The following NUP62CL variants were observed in gnomAD, a reference collection of about 807,000 sequenced individuals.
The protein encoded by NUP62CL is nucleoporin-62 C-terminal-like protein.
A neutral mutation model predicts 15.3 loss-of-function variants in NUP62CL; 13 were observed. That is an observed-to-expected ratio of 0.85 (90% CI 0.55 to 1.35). NUP62CL has a LOEUF of 1.35. Among genes scored for constraint, NUP62CL ranks in the 40% most tolerant of loss-of-function variants. The pLI, the probability that NUP62CL is intolerant of heterozygous loss-of-function variation, is 0.00. For missense variants in NUP62CL, 123 were observed against 130.6 expected (o/e 0.94, Z 0.28); for synonymous variants, 54 against 49.2 (o/e 1.10, Z -0.41).
intron 3 of NUP62CL, 67 bp from the exon 4 acceptor site, chrX:107,167,851 C>A: frequency 9.7e-7 from 1 of 1,028,509 alleles, no homozygotes; most frequent in South Asian, 2.7e-5. Context: ...CTTGATCATT[C>A]AGATTTAAAA....
chrX:107,175,041 G>T (rs200887740), intron 3 of NUP62CL, 48 bp downstream of exon 3: 1 of 961,978 alleles, frequency 1.0e-6, no homozygotes, highest in East Asian at 3.1e-5. Flanking sequence ...ACTGAGTAAG[G>T]TGGCATCATG....
At chrX:107,186,389 A>G (rs1411590795) in intron 2 of NUP62CL, among the ~76,000 whole-genome samples, 2 of 111,978 alleles carry the variant, frequency 1.8e-5, no homozygotes, top group South Asian at 3.7e-4. Flanking sequence ...ATCATCTTAC[A>G]TAATTATCCA....
chrX:107,129,583 A>G (rs1009197808), intron 8 of NUP62CL, among the ~76,000 whole-genome samples: 3 of 112,323 alleles, frequency 2.7e-5, no homozygotes, highest in African/African-American at 6.5e-5. Flanking sequence ...TTTCTTCTCC[A>G]GAGAATTTGA....
At chrX:107,165,338 A>T (rs1412272190) in intron 4 of NUP62CL, among the ~76,000 whole-genome samples, 1 of 109,943 alleles carries the variant, frequency 9.1e-6, no homozygotes, top group African/African-American at 3.3e-5. Context: ...ATTAATTAAT[A>T]AATAAATACC....
Position 107,147,750 on chromosome X carries a change from C to T in NUP62CL, c.*35G>A. Reference sequence around the variant, plus strand: ...ATACAAGCAAACTCCCACCTGAATTCCGATCAATCCACTGCAGGGAGTCCA... The same window carrying T: ...ATACAAGCAAACTCCCACCTGAATTTCGATCAATCCACTGCAGGGAGTCCA... On this transcript the variant is annotated 3_prime_UTR_variant, in exon 8 of 9. Coordinates refer to ENST00000372466, the MANE Select transcript of NUP62CL (RefSeq NM_017681.3). The T allele has an allele frequency of 8.5e-7, 1 of 1,169,987 alleles. No homozygotes were observed. The highest frequency in any genetic ancestry group is 3.0e-5 in the East Asian group (1 of 33,609).
chrX:107,189,737 T>C (rs1927160796), intron 2 of NUP62CL, among the ~76,000 whole-genome samples: 1 of 104,413 alleles, frequency 9.6e-6, no homozygotes, highest in African/African-American at 3.6e-5. Context: ...CAGTAAGCCA[T>C]GATCGTGCCA....
intron 4 of NUP62CL, among the ~76,000 whole-genome samples, chrX:107,160,970 G>A (rs373945845): frequency 1.8e-5 from 2 of 110,467 alleles, no homozygotes; most frequent in Non-Finnish European, 3.8e-5. Flanking sequence ...AAGTGGGCGA[G>A]GGACATGAAC....
chrX:107,136,406 T>C (rs1925640972), intron 8 of NUP62CL, among the ~76,000 whole-genome samples: 1 of 111,793 alleles, frequency 8.9e-6, no homozygotes, highest in South Asian at 3.7e-4. Flanking sequence ...CTGGAAACAT[T>C]AAAGAAATTC....
intron 7 of NUP62CL, among the ~76,000 whole-genome samples, chrX:107,152,093 TATTCAG>T (rs1292866503): frequency 9.9e-5 from 7 of 70,603 alleles, no homozygotes; most frequent in East Asian, 4.4e-4. Context: ...TATATATATA[TATTCAG>T]ATATATATAT....
At chrX:107,205,780 G>C (rs1410159675) in intron 1 of NUP62CL, among the ~76,000 whole-genome samples, 1 of 110,823 alleles carries the variant, frequency 9.0e-6, no homozygotes, top group Non-Finnish European at 1.9e-5. Context: ...AAGACAACCA[G>C]ATTCCCTAGC....
At chrX:107,151,464 CCTG>C (rs1926008494) in intron 7 of NUP62CL, among the ~76,000 whole-genome samples, 1 of 109,490 alleles carries the variant, frequency 9.1e-6, no homozygotes, top group Non-Finnish European at 1.9e-5. Context: ...GATAGACAAA[CCTG>C]CTAAGTTCAC....
At chrX:107,144,252 A>C (rs1925839910) in intron 8 of NUP62CL, among the ~76,000 whole-genome samples, 1 of 112,020 alleles carries the variant, frequency 8.9e-6, no homozygotes, top group Admixed American at 9.5e-5. Context: ...TATTAGGTAC[A>C]TGACTAAGAT....
At chrX:107,205,504 T>C (rs1405451489) in intron 1 of NUP62CL, among the ~76,000 whole-genome samples, 1 of 111,375 alleles carries the variant, frequency 9.0e-6, no homozygotes, top group Admixed American at 9.6e-5. Context: ...CTATCTCTTA[T>C]GCCAGATGGG....
chrX:107,146,624 AC>A (rs1925888803), intron 8 of NUP62CL, among the ~76,000 whole-genome samples: 1 of 111,373 alleles, frequency 9.0e-6, no homozygotes, highest in Non-Finnish European at 1.9e-5. Flanking sequence ...GCTTCTGTAG[AC>A]TTTCTCCTGT....
At chrX:107,132,182 T>C in intron 8 of NUP62CL, 1 of 1,129,765 alleles carries the variant, frequency 8.9e-7, no homozygotes, top group Non-Finnish European at 1.2e-6. Context: ...GAGAAACCAA[T>C]GCACTTGGAA....
chrX:107,186,859 A>G (rs1049168542), intron 2 of NUP62CL, among the ~76,000 whole-genome samples: 3 of 111,924 alleles, frequency 2.7e-5, no homozygotes, highest in African/African-American at 9.7e-5. Flanking sequence ...ACTGAACTCC[A>G]GCCTGGGTGA....
chrX:107,167,922 C>T lies in NUP62CL; in HGVS notation c.59-138G>A. ...CAAAGATGCAGATTTGAATTCAACA[C>T]TGTTGTAATATGAAATAATAAATGG... On this transcript the variant is annotated intron_variant, in intron 3 of 8. Coordinates refer to ENST00000372466, the MANE Select transcript of NUP62CL (RefSeq NM_017681.3). 8.1e-6 allele frequency: 4 copies of T among 493,393 alleles called. No homozygotes were observed. In the East Asian group the frequency reaches 1.6e-4, roughly 20 times the overall value. The allele number at this position is 493,393 out of a possible 1,213,427, so 40.7% of individuals were successfully genotyped here.
intron 2 of NUP62CL, among the ~76,000 whole-genome samples, chrX:107,181,056 A>G: frequency 1.9e-5 from 2 of 107,098 alleles, no homozygotes. Context: ...AGCTGGGACT[A>G]CAGGCATGCA....
At chrX:107,185,994 A>G (rs1927052723) in intron 2 of NUP62CL, among the ~76,000 whole-genome samples, 1 of 111,944 alleles carries the variant, frequency 8.9e-6, no homozygotes, top group Non-Finnish European at 1.9e-5. Context: ...GGATATTTAC[A>G]ATGATAAGAG....
Sources: allele counts gnomAD v4.1 joint callset (sites outside exome capture counted in the v4.1 genomes callset), GRCh38; gene constraint gnomAD v4.1.1; transcripts MANE v1.5; gene names NCBI Gene and HGNC (gene_info 2026-07-23, HGNC 2026-07-21).